SPATA13: variants seen among roughly 807,000 people sequenced by gnomAD.
The protein encoded by SPATA13 is spermatogenesis associated 13.
SPATA13 carries 50 observed loss-of-function variants against 104.0 expected under a neutral mutation model. That is an observed-to-expected ratio of 0.48 (90% CI 0.38 to 0.61). SPATA13 has a LOEUF of 0.61. SPATA13 is among the 20% of genes least tolerant of loss of function. The pLI, the probability that SPATA13 is intolerant of heterozygous loss-of-function variation, is 0.00. For missense variants in SPATA13, 1,524 were observed against 1,690.6 expected, an observed-to-expected ratio of 0.90 and a Z score of 1.73; for synonymous variants, 606 against 667.5, an observed-to-expected ratio of 0.91 and a Z score of 1.42.
chr13:24,218,283 C>CT (rs1871367893), intron 1 of SPATA13, among the ~76,000 whole-genome samples: 1 of 152,190 alleles, frequency 6.6e-6, no homozygotes, highest in Non-Finnish European at 1.5e-5. Context: ...CGACAAAGGG[C>CT]TGGTGGGCAT....
intron 3 of SPATA13, among the ~76,000 whole-genome samples, chr13:24,099,057 C>T (rs1360377079): frequency 6.6e-6 from 1 of 152,132 alleles, no homozygotes; most frequent in Admixed American, 6.5e-5. Flanking sequence ...TTCACTCCTG[C>T]CTAGGTGACA....
intron 3 of SPATA13, among the ~76,000 whole-genome samples, chr13:24,075,001 C>A (rs1030296389): frequency 6.6e-6 from 1 of 152,184 alleles, no homozygotes; most frequent in African/African-American, 2.4e-5. Context: ...CTGTTTACAC[C>A]TGCAGTTTGG....
At chr13:24,123,089 A>G in intron 3 of SPATA13, 1 of 983,322 alleles carries the variant, frequency 1.0e-6, no homozygotes, top group Admixed American at 1.7e-5. Context: ...TAAATTCTTC[A>G]CTATATTCAC....
Position 24,288,992 on chromosome 13 carries a change from T to C in SPATA13, c.2668-7T>C, listed in dbSNP as rs781461627. 3.1e-5 allele frequency: 49 copies of C among 1,585,550 alleles called. No homozygotes were observed. In the Middle Eastern group the frequency reaches 1.7e-3, roughly 54 times the overall value. On this transcript the variant is annotated splice_polypyrimidine_tract_variant and splice_region_variant and intron_variant, in intron 7 of 12. Transcript: ENST00000382108. ...CAAATAAAAAGTATTACTTCTGTAT[T>C]TTGCAGGGCTATATCCGACAGTGCC...
At chr13:24,107,479 C>T (rs987361700) in intron 3 of SPATA13, among the ~76,000 whole-genome samples, 1 of 152,120 alleles carries the variant, frequency 6.6e-6, no homozygotes, top group Non-Finnish European at 1.5e-5. Flanking sequence ...TACTTGCTTT[C>T]GACTTCAGCT....
At position 24,016,194 on chromosome 13, in the gene SPATA13, C is replaced by G. The variant is rs78365690; in HGVS notation, c.-146-1473C>G. Among the ~76,000 whole-genome samples, 2,536 of 152,284 alleles carry G rather than the reference C, an allele frequency of 0.017. 163 individuals carry two copies. In the East Asian group the frequency reaches 0.2, roughly 12 times the overall value. ...TTGTGGCTTGTCCTTCAACCCCACT[C>G]CTGGCTCCTCCTGTGAGGGGTGGAG... On this transcript the variant is annotated intron_variant, in intron 2 of 14. Transcript: ENST00000424834.
intron 1 of SPATA13, among the ~76,000 whole-genome samples, chr13:24,178,956 T>C (rs1868615176): frequency 6.6e-6 from 1 of 152,168 alleles, no homozygotes; most frequent in South Asian, 2.1e-4. Flanking sequence ...TCCCCAGCCC[T>C]AGACAACCAC....
chr13:24,259,138 G>A (rs1873935414), intron 4 of SPATA13, among the ~76,000 whole-genome samples: 1 of 152,220 alleles, frequency 6.6e-6, no homozygotes, highest in African/African-American at 2.4e-5. Context: ...GCACGTGCAA[G>A]TGACCCTGCA....
chr13:24,287,857 TG>T (rs1876070523), intron 7 of SPATA13, among the ~76,000 whole-genome samples: 1 of 152,266 alleles, frequency 6.6e-6, no homozygotes, highest in Non-Finnish European at 1.5e-5. Flanking sequence ...ACTACACTGC[TG>T]TTCGCCCTGT....
intron 3 of SPATA13, among the ~76,000 whole-genome samples, chr13:24,064,684 T>G (rs1878887022): frequency 6.6e-6 from 1 of 152,186 alleles, no homozygotes; most frequent in Non-Finnish European, 1.5e-5. Context: ...CAAATTTCTG[T>G]TGGCTCTAAG....
At chr13:24,278,737 C>G (rs1875202915) in intron 4 of SPATA13, 16 of 1,588,278 alleles carry the variant, frequency 1.0e-5, no homozygotes, top group Non-Finnish European at 1.4e-5. Flanking sequence ...GGTGAAAAAA[C>G]AAAGAAAGAA....
chr13:24,014,322 C>CG (rs959583602), intron 2 of SPATA13, among the ~76,000 whole-genome samples: 26 of 152,114 alleles, frequency 1.7e-4, no homozygotes, highest in Non-Finnish European at 2.8e-4. Context: ...GTTGACAACT[C>CG]GGGGGCACCA....
chr13:24,123,501 A>G, intron 3 of SPATA13: 2 of 1,607,784 alleles, frequency 1.2e-6, no homozygotes, highest in South Asian at 1.1e-5. Flanking sequence ...AATCATATGC[A>G]GGGCTCCATC....
At chr13:24,214,809 C>T (rs1402592200) in intron 1 of SPATA13, among the ~76,000 whole-genome samples, 1 of 152,168 alleles carries the variant, frequency 6.6e-6, no homozygotes, top group Non-Finnish European at 1.5e-5. Flanking sequence ...CTTGCATCTC[C>T]GCTTTCCTTT....
At chr13:24,220,882 AAG>A (rs762925291) in intron 1 of SPATA13, among the ~76,000 whole-genome samples, 70 of 152,224 alleles carry the variant, frequency 4.6e-4, no homozygotes, top group Non-Finnish European at 8.8e-4. Context: ...GTAGGAGCAG[AAG>A]AGAGATGTTT....
chr13:24,132,287 G>A (rs969004654), intron 3 of SPATA13, among the ~76,000 whole-genome samples: 29 of 152,228 alleles, frequency 1.9e-4, no homozygotes, highest in African/African-American at 7.0e-4. Flanking sequence ...AAAATCTTCT[G>A]TTATAGGAGA....
At chr13:24,127,419 C>T (rs1302077242) in intron 3 of SPATA13, among the ~76,000 whole-genome samples, 3 of 152,234 alleles carry the variant, frequency 2.0e-5, no homozygotes, top group Non-Finnish European at 2.9e-5. Context: ...GGGCTCCCTC[C>T]CCATTGCTGA....
At chr13:24,157,916 T>C (rs182800353), upstream of SPATA13, among the ~76,000 whole-genome samples, 198 of 152,288 alleles carry the variant, frequency 1.3e-3, 2 homozygotes, top group African/African-American at 4.3e-3. Flanking sequence ...ATTTGCCCCA[T>C]ATATAAAATG....
At chr13:24,290,954 AGGCAGTGATAGGTG>A in intron 9 of SPATA13, 70 bp downstream of exon 9, 1 of 1,238,876 alleles carries the variant, frequency 8.1e-7, no homozygotes, top group Non-Finnish European at 1.1e-6. Flanking sequence ...TCTTAACTCC[AGGCAGTGATAGGTG>A]GGCTTCAGTG....
Sources: gnomAD v4.1 joint callset for allele counts (sites outside exome capture counted in the v4.1 genomes callset) on GRCh38, gnomAD v4.1.1 for gene constraint, MANE v1.5 for transcripts, NCBI Gene and HGNC (gene_info 2026-07-23, HGNC 2026-07-21) for gene names.